Variants in DAB2IP observed in about 807,000 individuals in gnomAD.
DAB2IP encodes DAB2 interacting protein.
A neutral mutation model predicts 107.2 loss-of-function variants in DAB2IP; 28 were observed. The ratio of observed to expected loss-of-function variants is 0.26; its 90% confidence interval spans 0.19 to 0.36. The LOEUF (loss-of-function observed/expected upper bound fraction) is 0.36. DAB2IP is among the 10% of genes least tolerant of loss of function. DAB2IP has a pLI of 1.00. For synonymous variants in DAB2IP, 755 were observed against 706.4 expected, an observed-to-expected ratio of 1.07 and a Z score of -1.09; for missense variants, 1,400 against 1,644.7, an observed-to-expected ratio of 0.85 and a Z score of 2.57.
intron 3 of DAB2IP, among the ~76,000 whole-genome samples, chr9:121,749,271 C>T (rs1832936472): frequency 6.6e-6 from 1 of 152,360 alleles, no homozygotes; most frequent in East Asian, 1.9e-4. Flanking sequence ...CTGTTTATGT[C>T]CTGCCGTTTG....
rs1181995927 is a variant in DAB2IP at position 121,662,136 on chromosome 9, CT to C, written c.124+10240del. Among the ~76,000 whole-genome samples the C allele has an allele frequency of 2.0e-5, 3 of 152,150 alleles. No homozygotes were observed. Among genetic ancestry groups the C allele is most frequent in the Non-Finnish European group, 2.9e-5 (2 of 68,022 alleles). On this transcript the variant is annotated intron_variant, in intron 1 of 15. Transcript: ENST00000408936. The surrounding 1 kb of genome is among the most constrained non-coding windows in gnomAD (Gnocchi z 4.6). The stretch of plus-strand genomic sequence containing the variant: ...TATTTCCAGCCCTTCCCCTTCTTTT[CT>C]TTAAGTTTTTGAAAATTCTAAAATA...
At chr9:121,618,919 T>G (rs1348109689) in intron 1 of DAB2IP, among the ~76,000 whole-genome samples, 1 of 152,172 alleles carries the variant, frequency 6.6e-6, no homozygotes, top group Non-Finnish European at 1.5e-5. Context: ...GTTGTAGAAG[T>G]ACTTTTAAGA....
chr9:121,583,350 C>T (rs1380057613), intron 1 of DAB2IP, among the ~76,000 whole-genome samples: 1 of 152,186 alleles, frequency 6.6e-6, no homozygotes, highest in African/African-American at 2.4e-5. Context: ...GAGATCACAC[C>T]GCTGCACTCC....
chr9:121,772,600 C>T lies in DAB2IP; in HGVS notation c.2079-7C>T. 3 of 1,608,518 alleles carry T rather than the reference C, an allele frequency of 1.9e-6. No homozygotes were observed. Among genetic ancestry groups the T allele is most frequent in the Non-Finnish European group, 2.5e-6 (3 of 1,176,556 alleles). ...TTCTTTCCCTGTGTGTGCTTGTCTC[C>T]CTGCAGTCTGATAGATTTCACCCGG... On this transcript the variant is annotated splice_polypyrimidine_tract_variant and splice_region_variant and intron_variant, in intron 11 of 15. Coordinates refer to ENST00000408936, the Ensembl canonical transcript of DAB2IP. The surrounding 1 kb of genome is among the most constrained non-coding windows in gnomAD (Gnocchi z 4.7).
intron 1 of DAB2IP, among the ~76,000 whole-genome samples, chr9:121,637,015 C>T (rs908158675): frequency 7.2e-5 from 11 of 152,148 alleles, no homozygotes; most frequent in African/African-American, 2.7e-4. Flanking sequence ...CTCTCTTTTC[C>T]TTCTGGACAC....
intron 1 of DAB2IP, among the ~76,000 whole-genome samples, chr9:121,626,401 A>G (rs1476640038): frequency 6.8e-6 from 1 of 148,080 alleles, no homozygotes; most frequent in East Asian, 2.0e-4. Flanking sequence ...GAGATAGTGT[A>G]GACCAAACTT....
At chr9:121,773,780 G>C (rs139222392) in intron 12 of DAB2IP, among the ~76,000 whole-genome samples, 1 of 152,188 alleles carries the variant, frequency 6.6e-6, no homozygotes, top group African/African-American at 2.4e-5. Flanking sequence ...ATTCATCTTC[G>C]GTTCCAAGCC....
chr9:121,678,988 A>G (rs1474099709), intron 2 of DAB2IP: 1 of 467,422 alleles, frequency 2.1e-6, no homozygotes, highest in East Asian at 3.5e-5. Flanking sequence ...GGGGGGTCCC[A>G]TCCTGAGAGG....
chr9:121,600,876 C>T (rs915963503), intron 1 of DAB2IP, among the ~76,000 whole-genome samples: 1 of 152,114 alleles, frequency 6.6e-6, no homozygotes, highest in Non-Finnish European at 1.5e-5. Context: ...GCGCCTGGCT[C>T]GTAGGACAGC....
chr9:121,761,204 A>T (rs1478651306), intron 6 of DAB2IP, among the ~76,000 whole-genome samples: 1 of 152,226 alleles, frequency 6.6e-6, no homozygotes, highest in South Asian at 2.1e-4. Flanking sequence ...GCAGTAGAGC[A>T]TGGTCTGTGG....
At chr9:121,681,853 G>C (rs1345528333) in intron 2 of DAB2IP, among the ~76,000 whole-genome samples, 1 of 152,162 alleles carries the variant, frequency 6.6e-6, no homozygotes, top group East Asian at 1.9e-4. Flanking sequence ...GAGCCTCTCC[G>C]AGCCTTGTGT....
intron 5 of DAB2IP, 143 bp downstream of exon 5, chr9:121,759,139 T>A (rs958068941): frequency 1.3e-6 from 1 of 759,302 alleles, no homozygotes; most frequent in African/African-American, 1.7e-5. Context: ...TGGACAATAT[T>A]GGTGGACTCT....
Position 121,782,636 on chromosome 9 carries a change from G to A in DAB2IP, c.*138G>A. 6 of 1,486,362 alleles carry A rather than the reference G, an allele frequency of 4.0e-6. No homozygotes were observed. The highest frequency in any genetic ancestry group is 5.3e-6 in the Non-Finnish European group (6 of 1,123,208). 92.1% of individuals were successfully genotyped at this position (1,486,362 alleles called of 1,614,324 possible). On this transcript the variant is annotated 3_prime_UTR_variant, in exon 16 of 16. Transcript: ENST00000408936. This position sits in a 1 kb window ranked among gnomAD's most constrained non-coding sequence, Gnocchi z 6.1. ...GGCCGAGCCTCCCCTCCCTGCCGCT[G>A]TCCAGGAGGCGGCCGCAGAGGGAGC...
chr9:121,762,368 G>A (rs1357482550), intron 6 of DAB2IP, among the ~76,000 whole-genome samples: 1 of 152,168 alleles, frequency 6.6e-6, no homozygotes, highest in Non-Finnish European at 1.5e-5. Flanking sequence ...CCCTGGAGGA[G>A]CCCCGGGGGA....
At chr9:121,770,236 A>G (rs562716656) in intron 10 of DAB2IP, among the ~76,000 whole-genome samples, 2 of 152,322 alleles carry the variant, frequency 1.3e-5, no homozygotes, top group South Asian at 4.1e-4. Context: ...CTGGGATTCC[A>G]TGTGTGCTTT....
intron 3 of DAB2IP, among the ~76,000 whole-genome samples, chr9:121,712,944 C>G (rs1275421943): frequency 1.3e-5 from 2 of 152,216 alleles, no homozygotes; most frequent in Non-Finnish European, 2.9e-5. Flanking sequence ...CACCGGCACT[C>G]CAGAGTGTTG....
chr9:121,783,853 G>C (rs537832046), exon 16 of DAB2IP: 2 of 475,446 alleles, frequency 4.2e-6, no homozygotes, highest in Non-Finnish European at 3.8e-6. Context: ...GCAGGAGCTT[G>C]GGTCTCTCTC....
exon 16 of DAB2IP, chr9:121,783,817 C>T: frequency 3.7e-6 from 2 of 540,776 alleles, no homozygotes; most frequent in Non-Finnish European, 6.6e-6. Flanking sequence ...GCTTATCTGC[C>T]CCTCCCCCAC....
chr9:121,621,622 T>C (rs1831466040), intron 1 of DAB2IP, among the ~76,000 whole-genome samples: 1 of 151,356 alleles, frequency 6.6e-6, no homozygotes, highest in Non-Finnish European at 1.5e-5. Context: ...TGGCTGTTTG[T>C]ATTTCTTTTT....
Sources: gnomAD v4.1 joint callset for allele counts (sites outside exome capture counted in the v4.1 genomes callset) on GRCh38, gnomAD v4.1.1 for gene constraint, Gnocchi (gnomAD v3.1) non-coding constraint, MANE v1.5 for transcripts, NCBI Gene and HGNC (gene_info 2026-07-23, HGNC 2026-07-21) for gene names.